Variants in ABCA10 observed in about 807,000 individuals in gnomAD.
ABCA10 encodes ATP-binding cassette sub-family A member 10.
Under a neutral mutation model 187.5 loss-of-function variants are expected in ABCA10, and 169 were observed. The observed-to-expected ratio is 0.90, with a 90% CI of 0.80 to 1.02. The LOEUF (loss-of-function observed/expected upper bound fraction) is 1.02. ABCA10 is among the 50% of genes least tolerant of loss of function. The probability of loss-of-function intolerance (pLI) is 0.00; values close to 1 mark genes in which losing one functional copy is unlikely to be tolerated. For missense variants in ABCA10, 1,727 were observed against 1,812.4 expected (o/e 0.95, Z 0.86); for synonymous variants, 574 against 601.8 (o/e 0.95, Z 0.68).
chr17:69,175,588 G>A, intron 22 of ABCA10, 75 bp from the exon 23 acceptor site: 6 of 1,190,998 alleles, frequency 5.0e-6, no homozygotes, highest in Non-Finnish European at 4.6e-6. Flanking sequence ...TACGTTTCCA[G>A]GAAATAAAGA....
intron 1 of ABCA10, among the ~76,000 whole-genome samples, chr17:69,241,873 T>C (rs1025544136): frequency 2.0e-5 from 3 of 152,322 alleles, no homozygotes; most frequent in African/African-American, 4.8e-5. Flanking sequence ...CAATAAAATA[T>C]TTGTGAATAC....
chr17:69,230,994 T>C (rs1011638095), upstream of ABCA10, among the ~76,000 whole-genome samples: 1 of 152,116 alleles, frequency 6.6e-6, no homozygotes, highest in African/African-American at 2.4e-5. Context: ...ATAAACTAGC[T>C]CATCTTCTTA....
rs148594224 is a variant in ABCA10 at position 69,170,870 on chromosome 17, T to C, written c.3162+3411A>G. 2.3e-3 allele frequency among the ~76,000 whole-genome samples: 354 copies of C among 152,238 alleles called. 3 individuals carry two copies. Among genetic ancestry groups the C allele is most frequent in the African/African-American group, 8.2e-3 (342 of 41,554 alleles). ...GAGGACAAGTCCCCATATCAGCCCA[T>C]GAGTTAGGAAGATATGATTTGGGTT... On this transcript the variant is annotated intron_variant, in intron 25 of 38. Coordinates refer to ENST00000690296, the MANE Select transcript of ABCA10 (RefSeq NM_001377321.1).
At chr17:69,183,529 G>A (rs748647925) in intron 20 of ABCA10, among the ~76,000 whole-genome samples, 1 of 152,108 alleles carries the variant, frequency 6.6e-6, no homozygotes, top group Non-Finnish European at 1.5e-5. Flanking sequence ...TGAGACAGCT[G>A]AAAAACTGAG....
chr17:69,240,538 T>A (rs978797754), intron 1 of ABCA10, among the ~76,000 whole-genome samples: 1 of 152,172 alleles, frequency 6.6e-6, no homozygotes, highest in African/African-American at 2.4e-5. Flanking sequence ...GCTAACCTAG[T>A]TTCCAAACTA....
At chr17:69,151,313 CA>C (rs1338995997) in intron 36 of ABCA10, among the ~76,000 whole-genome samples, 2 of 152,192 alleles carry the variant, frequency 1.3e-5, no homozygotes, top group African/African-American at 4.8e-5. Flanking sequence ...ACCTCAATGT[CA>C]TATCCTCATT....
At chr17:69,206,018 A>G (rs1279103098) in intron 9 of ABCA10, among the ~76,000 whole-genome samples, 5 of 152,198 alleles carry the variant, frequency 3.3e-5, no homozygotes, top group Non-Finnish European at 7.3e-5. Flanking sequence ...TAGAATTACC[A>G]TAAGTCTGGA....
At chr17:69,194,085 G>T in intron 12 of ABCA10, 96 bp from the exon 13 acceptor site, 1 of 1,213,052 alleles carries the variant, frequency 8.2e-7, no homozygotes, top group Non-Finnish European at 1.1e-6. Context: ...CAAAAAACTT[G>T]TTTTTATTAA....
chr17:69,151,809 A>G (rs740519), intron 36 of ABCA10, among the ~76,000 whole-genome samples: 46,255 of 152,098 alleles, frequency 0.3, 8,781 homozygotes, highest in Non-Finnish European at 0.43. Flanking sequence ...TCCACCATTT[A>G]CACACATATA....
Position 69,243,302 on chromosome 17 carries a change from A to T in ABCA10, c.-593+1227T>A, listed in dbSNP as rs571594621. ...GTTCTGGGAAATGCATCATTAGGCA[A>T]TTTTGTCACTGTGCTAAGGCAATAG... On this transcript the variant is annotated intron_variant, in intron 1 of 39. Transcript: ENST00000269081. Among the ~76,000 whole-genome samples, 4 of 152,282 alleles carry T rather than the reference A, an allele frequency of 2.6e-5. No homozygotes were observed. The South Asian group carries it at 8.3e-4, about 32-fold the overall frequency.
intron 14 of ABCA10, 68 bp downstream of exon 14, chr17:69,193,425 T>A (rs1262396632): frequency 1.3e-6 from 2 of 1,549,536 alleles, no homozygotes; most frequent in African/African-American, 2.8e-5. Context: ...ACAGTAGAAG[T>A]TGGACTTTAA....
chr17:69,222,533 C>T lies in ABCA10; in HGVS notation c.199G>A (p.Glu67Lys). The part of the protein sequence containing the change: ...PVIKEHSEYT[E>K]HCWAMHGEIF... ...TTATAATCAGTTTTTTTATAGTTAC[C>T]TGTGTATTCAGAGTGCTCCTTTATA... The change falls in exon 4 of 39, where the codon GAA becomes AAA. Residue 67 changes from glutamate (E) to lysine (K), a missense_variant and splice_region_variant. Glu to Lys is a moderately conservative substitution (Grantham distance 56). Transcript: ENST00000690296. The T allele has an allele frequency of 6.5e-7, 1 of 1,544,684 alleles. No homozygotes were observed. The highest frequency in any genetic ancestry group is 2.4e-5 in the East Asian group (1 of 42,196).
intron 1 of ABCA10, among the ~76,000 whole-genome samples, chr17:69,241,448 C>T (rs2074902909): frequency 6.6e-6 from 1 of 152,160 alleles, no homozygotes; most frequent in Admixed American, 6.6e-5. Context: ...CTAATGTTGC[C>T]ACACCTCTAC....
At chr17:69,173,641 AC>A (rs2074312817) in intron 25 of ABCA10, among the ~76,000 whole-genome samples, 1 of 152,050 alleles carries the variant, frequency 6.6e-6, no homozygotes, top group African/African-American at 2.4e-5. Context: ...GACTTGACCA[AC>A]CTTTTAGATT....
At chr17:69,209,998 T>C (rs1394434068) in intron 9 of ABCA10, among the ~76,000 whole-genome samples, 1 of 151,848 alleles carries the variant, frequency 6.6e-6, no homozygotes, top group East Asian at 1.9e-4. Context: ...TGACTGTACA[T>C]TAGGTTTTAG....
intron 22 of ABCA10, 72 bp downstream of exon 22, chr17:69,182,081 G>A: frequency 7.6e-7 from 1 of 1,317,150 alleles, no homozygotes; most frequent in Non-Finnish European, 9.8e-7. Context: ...AACTCACATG[G>A]TAGGCTCTAG....
chr17:69,188,895 T>C (rs370961354), intron 18 of ABCA10, among the ~76,000 whole-genome samples: 1 of 152,164 alleles, frequency 6.6e-6, no homozygotes, highest in South Asian at 2.1e-4. Context: ...TGGTATTACA[T>C]AGTGTACATG....
chr17:69,183,819 T>C (rs1035877599), intron 20 of ABCA10, among the ~76,000 whole-genome samples: 4 of 151,962 alleles, frequency 2.6e-5, no homozygotes, highest in Admixed American at 6.6e-5. Context: ...CAGCTGAACT[T>C]TGTAATAATT....
intron 9 of ABCA10, among the ~76,000 whole-genome samples, chr17:69,208,417 C>CAAAAAAAAAAAAAAAAAAAAAAAA (rs67858017): frequency 1.1e-5 from 1 of 89,422 alleles, no homozygotes; most frequent in African/African-American, 4.5e-5. Context: ...GACTCTGTCT[C>CAAAAAAAAAAAAAAAAAAAAAAAA]AAAAAAAAAA....
Sources: allele counts gnomAD v4.1 joint callset (sites outside exome capture counted in the v4.1 genomes callset), GRCh38; gene constraint gnomAD v4.1.1; transcripts MANE v1.5; gene names NCBI Gene and HGNC (gene_info 2026-07-23, HGNC 2026-07-21).